The following GREB1L variants were observed in gnomAD, a reference collection of about 807,000 sequenced individuals.
GREB1L encodes the protein GREB1-like protein.
In GREB1L, 17 loss-of-function variants were observed where a neutral mutation model predicts 200.8. The ratio of observed to expected loss-of-function variants is 0.08; its 90% CI spans 0.06 to 0.13. The LOEUF (loss-of-function observed/expected upper bound fraction) is 0.13, where lower values mean the gene tolerates loss of function less well. GREB1L is among the 10% of genes least tolerant of loss of function. The probability of loss-of-function intolerance (pLI) is 1.00; values close to 1 mark genes in which losing one functional copy is unlikely to be tolerated. For synonymous variants in GREB1L, 789 were observed against 893.0 expected, an observed-to-expected ratio of 0.88 and a Z score of 2.08; for missense variants, 1,657 against 2,367.7, an observed-to-expected ratio of 0.70 and a Z score of 6.23.
chr18:21,334,793 C>T (rs1380809101), intron 1 of GREB1L, among the ~76,000 whole-genome samples: 3 of 151,874 alleles, frequency 2.0e-5, no homozygotes, highest in African/African-American at 7.3e-5. Context: ...AAAATTGCCC[C>T]ATTATTATCC....
chr18:21,287,563 G>T (rs1054124804), intron 1 of GREB1L, among the ~76,000 whole-genome samples: 2 of 152,058 alleles, frequency 1.3e-5, no homozygotes, highest in Non-Finnish European at 1.5e-5. Context: ...TTTGTTCCCT[G>T]TAGGAGCCTA....
chr18:21,288,988 G>A (rs1293376622), intron 1 of GREB1L, among the ~76,000 whole-genome samples: 4 of 151,814 alleles, frequency 2.6e-5, no homozygotes, highest in Non-Finnish European at 5.9e-5. Context: ...CACTCGCCTC[G>A]GCCTCCCAAA....
At chr18:21,478,019 A>T (rs1598902037) in intron 17 of GREB1L, among the ~76,000 whole-genome samples, 1 of 152,304 alleles carries the variant, frequency 6.6e-6, no homozygotes, top group African/African-American at 2.4e-5. Context: ...TTGTGCCTTC[A>T]TATGATTAAT....
chr18:21,417,842 G>A (rs1421894506), intron 7 of GREB1L, among the ~76,000 whole-genome samples: 1 of 151,842 alleles, frequency 6.6e-6, no homozygotes, highest in East Asian at 1.9e-4. Flanking sequence ...TTAGCCAGGC[G>A]GGGTGGCGGG....
intron 1 of GREB1L, among the ~76,000 whole-genome samples, chr18:21,279,664 G>T (rs1259190078): frequency 6.6e-6 from 1 of 151,744 alleles, no homozygotes; most frequent in Non-Finnish European, 1.5e-5. Context: ...TAAGAGGTGG[G>T]GTCTTGCTAT....
intron 7 of GREB1L, among the ~76,000 whole-genome samples, chr18:21,437,403 T>A (rs1256916921): frequency 6.6e-6 from 1 of 152,224 alleles, no homozygotes; most frequent in African/African-American, 2.4e-5. Flanking sequence ...GTAATCATCA[T>A]GGTTACTAAA....
Position 21,451,943 on chromosome 18 carries a change from G to A in GREB1L, c.1850-140G>A. The A allele has an allele frequency of 1.0e-5, 7 of 687,696 alleles. No individual in the cohort carries two copies. The South Asian group carries it at 1.2e-4, about 11-fold the overall frequency. 42.6% of individuals were successfully genotyped at this position (687,696 alleles called of 1,614,324 possible). ...GAGACACCAGTATACTATAAAGATG[G>A]CCAAGTGTAAATGCTGATATGAATT... On this transcript the variant is annotated intron_variant, in intron 13 of 32. Coordinates refer to ENST00000424526, the MANE Select transcript of GREB1L (RefSeq NM_001142966.3).
intron 1 of GREB1L, among the ~76,000 whole-genome samples, chr18:21,246,161 G>T (rs1041428782): frequency 6.6e-6 from 1 of 151,890 alleles, no homozygotes; most frequent in Non-Finnish European, 1.5e-5. Flanking sequence ...GAGGTTGTGG[G>T]TTTAAACCTA....
At chr18:21,494,164 T>C (rs2036454384) in intron 19 of GREB1L, among the ~76,000 whole-genome samples, 1 of 152,200 alleles carries the variant, frequency 6.6e-6, no homozygotes, top group African/African-American at 2.4e-5. Context: ...ATTTTTCTTC[T>C]AGCATTAAAA....
intron 1 of GREB1L, among the ~76,000 whole-genome samples, chr18:21,295,710 G>A (rs1045886139): frequency 6.6e-6 from 1 of 152,184 alleles, no homozygotes; most frequent in Non-Finnish European, 1.5e-5. Context: ...GAGGACAGAA[G>A]CAGGCAAGTC....
At chr18:21,506,889 C>A (rs1277855110) in intron 25 of GREB1L, among the ~76,000 whole-genome samples, 1 of 152,184 alleles carries the variant, frequency 6.6e-6, no homozygotes, top group African/African-American at 2.4e-5. Flanking sequence ...ATATCCAGAG[C>A]TTACTTCCCC....
intron 1 of GREB1L, among the ~76,000 whole-genome samples, chr18:21,251,737 G>A (rs2037707982): frequency 6.6e-6 from 1 of 152,146 alleles, no homozygotes; most frequent in South Asian, 2.1e-4. Flanking sequence ...ACAAGGTCAG[G>A]AGTACAAGAC....
intron 17 of GREB1L, among the ~76,000 whole-genome samples, chr18:21,481,477 G>A (rs201084992): frequency 0.33 from 44,026 of 133,270 alleles, 9,888 homozygotes; most frequent in African/African-American, 0.62. Context: ...GTGTGTGTGT[G>A]TATATATATA....
chr18:21,271,611 C>T (rs553089190), intron 1 of GREB1L, among the ~76,000 whole-genome samples: 63 of 145,140 alleles, frequency 4.3e-4, no homozygotes, highest in African/African-American at 1.6e-3. Context: ...ATAGTCTTGC[C>T]ACTGCATTCT....
At chr18:21,481,905 T>TGAACACCCTTTAGTA (rs1167102404) in intron 17 of GREB1L, among the ~76,000 whole-genome samples, 1 of 152,218 alleles carries the variant, frequency 6.6e-6, no homozygotes, top group Non-Finnish European at 1.5e-5. Context: ...AGTACTGCTG[T>TGAACACCCTTTAGTA]AACATCCTGG....
chr18:21,436,347 A>T (rs985686064), intron 7 of GREB1L, among the ~76,000 whole-genome samples: 1 of 152,182 alleles, frequency 6.6e-6, no homozygotes, highest in African/African-American at 2.4e-5. Context: ...TGAACAAAAG[A>T]TAGGCTTCAT....
chr18:21,259,401 G>A lies in GREB1L; in HGVS notation c.-120+17008G>A, dbSNP rs374509633. 3.3e-5 allele frequency among the ~76,000 whole-genome samples: 5 copies of A among 152,230 alleles called. No individual in the cohort carries two copies. In the South Asian group the frequency reaches 1.0e-3, roughly 32 times the overall value. On this transcript the variant is annotated intron_variant, in intron 1 of 32. Transcript: ENST00000424526. ...AAATTAACAATAAGTAAGCTAATAAGTCTTTTTTAAGCACCTATAATTGGA... is the reference window on the plus strand; with the variant it reads ...AAATTAACAATAAGTAAGCTAATAAATCTTTTTTAAGCACCTATAATTGGA...
intron 1 of GREB1L, among the ~76,000 whole-genome samples, chr18:21,308,169 T>G (rs1162947025): frequency 6.6e-6 from 1 of 152,212 alleles, no homozygotes; most frequent in African/African-American, 2.4e-5. Context: ...ATACAGTCTG[T>G]GGAGTAGGCA....
At chr18:21,370,145 A>T (rs2039820587) in intron 2 of GREB1L, among the ~76,000 whole-genome samples, 1 of 152,188 alleles carries the variant, frequency 6.6e-6, no homozygotes, top group African/African-American at 2.4e-5. Flanking sequence ...TTGTGCTTTT[A>T]TGGAATGTGC....
Sources: gnomAD v4.1 joint callset for allele counts (sites outside exome capture counted in the v4.1 genomes callset) on GRCh38, gnomAD v4.1.1 for gene constraint, MANE v1.5 for transcripts, NCBI Gene and HGNC (gene_info 2026-07-23, HGNC 2026-07-21) for gene names.